CACHD1: variants seen among roughly 807,000 people sequenced by gnomAD.
CACHD1 encodes cache domain containing 1, also known as VWFA and cache domain-containing protein 1.
CACHD1 carries 71 observed loss-of-function variants against 138.7 expected under a neutral mutation model. The observed-to-expected ratio is 0.51, with a 90% confidence interval of 0.42 to 0.62. The LOEUF (loss-of-function observed/expected upper bound fraction) is 0.62. Ranked by LOEUF, CACHD1 falls within the 20% of genes least tolerant of loss-of-function variation. The pLI is 0.00. For synonymous variants in CACHD1, 578 were observed against 591.5 expected, an observed-to-expected ratio of 0.98 and a Z score of 0.33; for missense variants, 1,389 against 1,625.3, an observed-to-expected ratio of 0.85 and a Z score of 2.50.
chr1:64,497,898 G>A (rs975058154), intron 1 of CACHD1, among the ~76,000 whole-genome samples: 2 of 152,178 alleles, frequency 1.3e-5, no homozygotes, highest in African/African-American at 2.4e-5. Context: ...GGCCAAGGTG[G>A]GCAGAACACC....
intron 2 of CACHD1, among the ~76,000 whole-genome samples, chr1:64,568,420 G>A (rs1056374647): frequency 6.6e-6 from 1 of 151,964 alleles, no homozygotes; most frequent in African/African-American, 2.4e-5. Flanking sequence ...CAGAACTCCC[G>A]GATCTCTCTT....
chr1:64,579,060 C>T (rs2100530665), intron 2 of CACHD1, among the ~76,000 whole-genome samples: 1 of 152,208 alleles, frequency 6.6e-6, no homozygotes, highest in Non-Finnish European at 1.5e-5. Context: ...TGGCTTCTAC[C>T]TATAGCAAAG....
intron 4 of CACHD1, among the ~76,000 whole-genome samples, chr1:64,611,089 G>T (rs559474573): frequency 2.0e-5 from 3 of 152,306 alleles, no homozygotes; most frequent in African/African-American, 7.2e-5. Context: ...GGCTGGAGCT[G>T]GAGTGGCTGG....
chr1:64,573,142 C>G (rs1328917013), intron 2 of CACHD1, among the ~76,000 whole-genome samples: 6 of 152,124 alleles, frequency 3.9e-5, no homozygotes, highest in Admixed American at 2.0e-4. Context: ...GCCCTAACCC[C>G]CAATGTGATG....
chr1:64,488,203 C>A (rs746091734), intron 1 of CACHD1, among the ~76,000 whole-genome samples: 6 of 151,934 alleles, frequency 3.9e-5, no homozygotes, highest in Admixed American at 3.9e-4. Flanking sequence ...TTTCTAGTTC[C>A]CAAAAAATTA....
At chr1:64,614,931 T>C (rs1647658931) in intron 4 of CACHD1, among the ~76,000 whole-genome samples, 1 of 151,976 alleles carries the variant, frequency 6.6e-6, no homozygotes. Flanking sequence ...TTTGAAAAAA[T>C]CTCCTCTGTA....
intron 26 of CACHD1, among the ~76,000 whole-genome samples, chr1:64,685,541 C>G (rs976152928): frequency 2.0e-5 from 3 of 152,054 alleles, no homozygotes; most frequent in African/African-American, 7.2e-5. Context: ...CACTTTGAAG[C>G]CTACTTCTCC....
At chr1:64,641,232 C>A (rs1387201615) in intron 7 of CACHD1, among the ~76,000 whole-genome samples, 1 of 144,274 alleles carries the variant, frequency 6.9e-6, no homozygotes, top group African/African-American at 2.6e-5. Flanking sequence ...CTCAATTACC[C>A]AGACACAGCT....
In CACHD1 at chr1:64,692,270, C is replaced by G. The variant is rs1312806180; in HGVS notation, c.*709C>G. Reference sequence around the variant, plus strand: ...ACTGATATCCCACTGCCCCACTCCACAAAATAGGAAAATGAAGAAATCTTT... The same window carrying G: ...ACTGATATCCCACTGCCCCACTCCAGAAAATAGGAAAATGAAGAAATCTTT... On this transcript the variant is annotated 3_prime_UTR_variant, in exon 27 of 27. Coordinates refer to ENST00000651257, the MANE Select transcript of CACHD1 (RefSeq NM_020925.4). 1 of 152,184 alleles carries G rather than the reference C, an allele frequency of 6.6e-6. No individual in the cohort carries two copies. Among genetic ancestry groups the G allele is most frequent in the East Asian group, 1.9e-4 (1 of 5,198 alleles). 9.4% of individuals were successfully genotyped at this position (152,184 alleles called of 1,614,324 possible). A position where few individuals can be genotyped will look rare whatever the true frequency, so the allele number is the denominator to read the frequency against.
At chr1:64,670,613 A>G (rs1008998348) in intron 16 of CACHD1, among the ~76,000 whole-genome samples, 2 of 152,220 alleles carry the variant, frequency 1.3e-5, no homozygotes, top group Non-Finnish European at 2.9e-5. Context: ...TGACACACCT[A>G]GCAATTTCTT....
intron 26 of CACHD1, among the ~76,000 whole-genome samples, chr1:64,687,418 C>G (rs1294301165): frequency 6.6e-6 from 1 of 152,176 alleles, no homozygotes; most frequent in African/African-American, 2.4e-5. Flanking sequence ...GCAATGGTAT[C>G]ATAGTAAGGA....
chr1:64,629,352 T>A lies in CACHD1; in HGVS notation c.518-3T>A. 9 of 1,613,918 alleles carry A rather than the reference T, an allele frequency of 5.6e-6. No individual in the cohort carries two copies. The highest frequency in any genetic ancestry group is 7.6e-6 in the Non-Finnish European group (9 of 1,179,882). ...TTATATTTCATTTTCCTTACACCTC[T>A]AGTTCTTGCAGACAACCTGAAATCC... On this transcript the variant is annotated splice_polypyrimidine_tract_variant and splice_region_variant and intron_variant, in intron 4 of 26. Transcript: ENST00000651257.
At chr1:64,502,392 A>G (rs1274832379) in intron 1 of CACHD1, among the ~76,000 whole-genome samples, 2 of 152,172 alleles carry the variant, frequency 1.3e-5, no homozygotes, top group African/African-American at 4.8e-5. Flanking sequence ...GTTTCCATCC[A>G]TAATGTACAC....
intron 25 of CACHD1, among the ~76,000 whole-genome samples, chr1:64,681,541 GTTTT>G (rs57993424): frequency 0.015 from 989 of 68,170 alleles, 34 homozygotes; most frequent in African/African-American, 0.068. Flanking sequence ...ATTTTATTGT[GTTTT>G]TTTTTTTTTT....
intron 1 of CACHD1, among the ~76,000 whole-genome samples, chr1:64,508,670 C>G (rs777201910): frequency 3.1e-4 from 47 of 152,136 alleles, no homozygotes; most frequent in Non-Finnish European, 1.8e-4. Context: ...TCTCAAGTCC[C>G]TAAGTTGTTC....
chr1:64,541,648 A>G (rs1021861009), intron 1 of CACHD1, among the ~76,000 whole-genome samples: 2 of 151,522 alleles, frequency 1.3e-5, no homozygotes, highest in African/African-American at 4.9e-5. Flanking sequence ...TCTCTACCAA[A>G]CAAAACAAAA....
chr1:64,470,987 G>A lies in CACHD1; in HGVS notation c.198+45G>A, dbSNP rs1646140440. 1 of 1,530,252 alleles carries A rather than the reference G, an allele frequency of 6.5e-7. No homozygotes were observed. The highest frequency in any genetic ancestry group is 8.8e-7 in the Non-Finnish European group (1 of 1,133,570). 94.8% of individuals were successfully genotyped at this position (1,530,252 alleles called of 1,614,324 possible). A position where few individuals can be genotyped will look rare whatever the true frequency, so the allele number is the denominator to read the frequency against. ...GCCAGACATCCCGCCTTTCTCCTTT[G>A]CTCAAACTCCCATCCCACTCCCGGT... On this transcript the variant is annotated intron_variant, in intron 1 of 26. Transcript: ENST00000651257. This position sits in a 1 kb window ranked among gnomAD's most constrained non-coding sequence, Gnocchi z 5.2.
chr1:64,513,234 TAAC>T (rs1646435295), intron 1 of CACHD1, among the ~76,000 whole-genome samples: 2 of 152,176 alleles, frequency 1.3e-5, no homozygotes, highest in Non-Finnish European at 2.9e-5. Flanking sequence ...TTAGGATGTT[TAAC>T]AACCTCTCTG....
At position 64,629,456 on chromosome 1, in the gene CACHD1, A is replaced by G; in HGVS notation, c.619A>G (p.Lys207Glu). 6.2e-7 allele frequency: 1 copy of G among 1,614,124 alleles called. No individual in the cohort carries two copies. The highest frequency in any genetic ancestry group is 8.5e-7 in the Non-Finnish European group (1 of 1,179,964). Reference sequence around the variant, plus strand: ...TTTCCCAGCACACAAGTTCCGGTGTAAGGGCAGCTACGAACACCGCAGTAG... The same window carrying G: ...TTTCCCAGCACACAAGTTCCGGTGTGAGGGCAGCTACGAACACCGCAGTAG... ...TVFPAHKFRC[K>E]GSYEHRSRPI... is the part of the protein sequence containing the mutation. Residue 207 changes from lysine to glutamate, a missense_variant, in exon 5 of 27, where the codon AAG becomes GAG. Physicochemically the swap from Lys to Glu is moderately conservative, Grantham distance 56. Around this residue, in one of 5 missense-constraint regions of CACHD1, gnomAD observed 1,000 missense variants for 1,114.7 expected, o/e 0.90. Transcript: ENST00000651257.
Sources: allele counts gnomAD v4.1 joint callset (sites outside exome capture counted in the v4.1 genomes callset), GRCh38; gene constraint gnomAD v4.1.1; regional missense constraint gnomAD v4.1.1; non-coding constraint Gnocchi (gnomAD v3.1); transcripts MANE v1.5; gene names NCBI Gene and HGNC (gene_info 2026-07-23, HGNC 2026-07-21).